TAFA5: variants seen among roughly 807,000 people sequenced by gnomAD.
TAFA5 encodes chemokine-like protein TAFA-5.
In TAFA5, 6 loss-of-function variants were observed where a neutral mutation model predicts 15.3. That is an observed-to-expected ratio of 0.39 (90% CI 0.21 to 0.77). The LOEUF (loss-of-function observed/expected upper bound fraction) is 0.77, where lower values mean the gene tolerates loss of function less well. Among genes scored for constraint, TAFA5 ranks in the 30% least tolerant of loss-of-function variants. The pLI, the probability that TAFA5 is intolerant of heterozygous loss-of-function variation, is 0.41. For synonymous variants in TAFA5, 103 were observed against 80.7 expected (o/e 1.28, Z -1.48); for missense variants, 161 against 193.1 (o/e 0.83, Z 0.98).
At chr22:48,576,263 CGG>C in intron 1 of TAFA5, 2 of 661,854 alleles carry the variant, frequency 3.0e-6, no homozygotes, top group Non-Finnish European at 4.1e-6. Flanking sequence ...GCCCCCTCCG[CGG>C]CGCCCCCCTC....
chr22:48,614,942 A>G (rs1925543753), intron 1 of TAFA5, among the ~76,000 whole-genome samples: 1 of 152,150 alleles, frequency 6.6e-6, no homozygotes, highest in Non-Finnish European at 1.5e-5. Context: ...CCGGGGCCAG[A>G]AGCCACTGGC....
chr22:48,611,089 A>G (rs903733532), intron 1 of TAFA5, among the ~76,000 whole-genome samples: 2 of 151,992 alleles, frequency 1.3e-5, no homozygotes, highest in African/African-American at 2.4e-5. Flanking sequence ...GCGAATCACC[A>G]CGCCCAGCTA....
intron 1 of TAFA5, among the ~76,000 whole-genome samples, chr22:48,503,514 G>A (rs912930679): frequency 6.6e-6 from 1 of 152,242 alleles, no homozygotes; most frequent in African/African-American, 2.4e-5. Flanking sequence ...CACCAAAAGT[G>A]CCAGGGACAG....
intron 2 of TAFA5, among the ~76,000 whole-genome samples, chr22:48,650,756 G>A (rs377594898): frequency 4.0e-5 from 6 of 151,806 alleles, no homozygotes; most frequent in East Asian, 3.9e-4. Context: ...AACCAGCCAC[G>A]CACTGTGGCG....
At chr22:48,503,862 A>G (rs1275739343) in intron 1 of TAFA5, among the ~76,000 whole-genome samples, 2 of 151,938 alleles carry the variant, frequency 1.3e-5, no homozygotes, top group Non-Finnish European at 2.9e-5. Flanking sequence ...TGTCTGTTAC[A>G]CTCTGGGAAG....
At chr22:48,723,503 G>T (rs1430569817) in intron 3 of TAFA5, among the ~76,000 whole-genome samples, 1 of 152,082 alleles carries the variant, frequency 6.6e-6, no homozygotes, top group East Asian at 1.9e-4. Flanking sequence ...ATAAATCTCA[G>T]GCTCCATAGG....
intron 2 of TAFA5, among the ~76,000 whole-genome samples, chr22:48,658,404 G>A (rs1036867743): frequency 1.3e-5 from 2 of 152,226 alleles, no homozygotes; most frequent in Non-Finnish European, 2.9e-5. Flanking sequence ...GCCCATGGGC[G>A]CTCAGTTCCG....
chr22:48,703,152 G>C (rs571465818), intron 2 of TAFA5, among the ~76,000 whole-genome samples: 15 of 152,272 alleles, frequency 9.9e-5, no homozygotes, highest in African/African-American at 3.6e-4. Flanking sequence ...ATGGGCATGT[G>C]TGTGCCTGTG....
At chr22:48,597,591 A>T (rs1924815133) in intron 1 of TAFA5, among the ~76,000 whole-genome samples, 1 of 151,962 alleles carries the variant, frequency 6.6e-6, no homozygotes, top group African/African-American at 2.4e-5. Flanking sequence ...GGCCCGCATC[A>T]CCTGGGCCTC....
chr22:48,652,775 A>T (rs1202852881), intron 2 of TAFA5, among the ~76,000 whole-genome samples: 1 of 152,132 alleles, frequency 6.6e-6, no homozygotes, highest in African/African-American at 2.4e-5. Flanking sequence ...CGCGACGGAG[A>T]CCAGCTGGGT....
chr22:48,689,690 A>C (rs1601674287), intron 2 of TAFA5, among the ~76,000 whole-genome samples: 1 of 150,758 alleles, frequency 6.6e-6, no homozygotes, highest in African/African-American at 2.4e-5. Context: ...CCACCCACTC[A>C]CCCCAGCTCC....
intron 2 of TAFA5, among the ~76,000 whole-genome samples, chr22:48,676,811 G>T (rs561785424): frequency 3.9e-5 from 6 of 152,356 alleles, no homozygotes; most frequent in African/African-American, 1.4e-4. Flanking sequence ...CCTTGAGGAG[G>T]TCAACTGATT....
chr22:48,562,223 T>C (rs112708159), intron 1 of TAFA5, among the ~76,000 whole-genome samples: 2,417 of 152,196 alleles, frequency 0.016, 74 homozygotes, highest in African/African-American at 0.054. Flanking sequence ...CTGCAAGCTC[T>C]GCCTCCCGGG....
At chr22:48,691,775 C>T (rs1928550273) in intron 2 of TAFA5, among the ~76,000 whole-genome samples, 1 of 152,226 alleles carries the variant, frequency 6.6e-6, no homozygotes, top group South Asian at 2.1e-4. Context: ...CCGGGGAGGG[C>T]CCCAGGCGGC....
Position 48,750,028 on chromosome 22 carries a change from C to G in TAFA5, c.*181C>G. 3.1e-6 allele frequency: 2 copies of G among 642,690 alleles called. No individual in the cohort carries two copies. The highest frequency in any genetic ancestry group is 5.4e-6 in the Non-Finnish European group (2 of 368,510). The allele number at this position is 642,690 out of a possible 1,614,324, so 39.8% of individuals were successfully genotyped here. Reference sequence around the variant, plus strand: ...GCATCCTGAGCTTCGGTCTGTCCAGCCGACCCGAGGAGGCCGGACTCAGAC... The same window carrying G: ...GCATCCTGAGCTTCGGTCTGTCCAGGCGACCCGAGGAGGCCGGACTCAGAC... On this transcript the variant is annotated 3_prime_UTR_variant, in exon 4 of 4. Transcript: ENST00000402357.
rs73441822 is a variant in TAFA5 at position 48,735,009 on chromosome 22, T to C, written c.391-14830T>C. 5.4e-3 allele frequency among the ~76,000 whole-genome samples: 818 copies of C among 152,322 alleles called. 8 individuals are homozygous for C. Among genetic ancestry groups the C allele is most frequent in the African/African-American group, 0.016 (681 of 41,576 alleles). On this transcript the variant is annotated intron_variant, in intron 3 of 3. Transcript: ENST00000402357. ...GAGGAAGAACGCTGCGATTGTAAAC[T>C]CAATCGGAGAAATCCATGATGACAG... is the stretch of plus-strand genomic sequence containing the variant.
At chr22:48,527,528 G>A (rs1256772563) in intron 1 of TAFA5, among the ~76,000 whole-genome samples, 4 of 152,222 alleles carry the variant, frequency 2.6e-5, no homozygotes, top group East Asian at 1.9e-4. Flanking sequence ...AGATGGGAAC[G>A]TTCAGGAAGG....
intron 3 of TAFA5, among the ~76,000 whole-genome samples, chr22:48,723,979 C>T (rs1929643339): frequency 6.6e-6 from 1 of 152,234 alleles, no homozygotes; most frequent in African/African-American, 2.4e-5. Flanking sequence ...TCAGCCTCTT[C>T]TTTGGGAAAC....
chr22:48,697,775 AATG>A (rs770824838), intron 2 of TAFA5, among the ~76,000 whole-genome samples: 2 of 150,704 alleles, frequency 1.3e-5, no homozygotes, highest in Non-Finnish European at 3.0e-5. Context: ...ACAGTGATAA[AATG>A]ATGATGGTGA....
Sources: allele counts gnomAD v4.1 joint callset (sites outside exome capture counted in the v4.1 genomes callset), GRCh38; gene constraint gnomAD v4.1.1; transcripts MANE v1.5; gene names NCBI Gene and HGNC (gene_info 2026-07-23, HGNC 2026-07-21).